The following FAM168A variants were observed in gnomAD, a reference collection of about 807,000 sequenced individuals.
The protein encoded by FAM168A is protein FAM168A.
FAM168A carries 3 observed loss-of-function variants against 28.5 expected under a neutral mutation model. The ratio of observed to expected loss-of-function variants is 0.11; its 90% CI spans 0.05 to 0.27. The LOEUF is 0.27. Ranked by LOEUF, FAM168A falls within the 10% of genes least tolerant of loss-of-function variation. The probability of loss-of-function intolerance (pLI) is 1.00; values close to 1 mark genes in which losing one functional copy is unlikely to be tolerated. For synonymous variants in FAM168A, 122 were observed against 124.2 expected (o/e 0.98, Z 0.12); for missense variants, 222 against 311.5 (o/e 0.71, Z 2.16).
chr11:73,449,524 A>T (rs1226032169), intron 2 of FAM168A, among the ~76,000 whole-genome samples: 1 of 152,218 alleles, frequency 6.6e-6, no homozygotes, highest in Non-Finnish European at 1.5e-5. Context: ...ATGGTTAGTA[A>T]CCTAAATTAC....
intron 1 of FAM168A, among the ~76,000 whole-genome samples, chr11:73,562,845 T>C (rs2134708043): frequency 6.6e-6 from 1 of 152,074 alleles, no homozygotes; most frequent in South Asian, 2.1e-4. Flanking sequence ...AATAAAAGGT[T>C]ACCTACTAAC....
chr11:73,552,816 G>C (rs2134694174), intron 1 of FAM168A, among the ~76,000 whole-genome samples: 1 of 152,234 alleles, frequency 6.6e-6, no homozygotes, highest in South Asian at 2.1e-4. Flanking sequence ...AATTAGCCTG[G>C]TGTGGTGGCA....
intron 1 of FAM168A, among the ~76,000 whole-genome samples, chr11:73,596,546 T>A (rs1295719028): frequency 1.3e-5 from 2 of 152,096 alleles, no homozygotes; most frequent in Non-Finnish European, 2.9e-5. Context: ...CCCGAACAGA[T>A]TAAAATGGCC....
Position 73,583,342 on chromosome 11 carries a change from G to C in FAM168A, c.-19+14581C>G, listed in dbSNP as rs532021668. Reference sequence around the variant, plus strand: ...ACAAACAAAAAAAACTCAGCCCAGAGCAACATGGAGTAACTGACTCATTGG... The same window carrying C: ...ACAAACAAAAAAAACTCAGCCCAGACCAACATGGAGTAACTGACTCATTGG... On this transcript the variant is annotated intron_variant, in intron 1 of 7. Coordinates refer to ENST00000356467, the MANE Select transcript of FAM168A (RefSeq NM_015159.3). Among the ~76,000 whole-genome samples the C allele has an allele frequency of 4.9e-4, 74 of 152,148 alleles. No homozygotes were observed. The South Asian group carries it at 0.015, about 30-fold the overall frequency.
chr11:73,468,514 C>G (rs1452135698), intron 1 of FAM168A, 22 bp from the exon 2 acceptor site: 5 of 1,549,874 alleles, frequency 3.2e-6, no homozygotes, highest in Non-Finnish European at 4.5e-6. Flanking sequence ...ACAAAGAAAA[C>G]AGCACTGATA....
At chr11:73,580,411 A>G in intron 1 of FAM168A, 1 of 618,364 alleles carries the variant, frequency 1.6e-6, no homozygotes. Flanking sequence ...AGGTACCCAA[A>G]GGGAAAAAGG....
intron 1 of FAM168A, among the ~76,000 whole-genome samples, chr11:73,528,622 T>A (rs1270059593): frequency 6.6e-6 from 1 of 152,132 alleles, no homozygotes; most frequent in African/African-American, 2.4e-5. Context: ...TTGCTTTCAC[T>A]TTGCACTTAG....
chr11:73,458,903 C>A (rs564907967), intron 2 of FAM168A, among the ~76,000 whole-genome samples: 1 of 152,284 alleles, frequency 6.6e-6, no homozygotes, highest in African/African-American at 2.4e-5. Flanking sequence ...AGCCACTGCA[C>A]CCAGCCTCTA....
chr11:73,568,970 C>T, intron 1 of FAM168A, among the ~76,000 whole-genome samples: 1 of 152,216 alleles, frequency 6.6e-6, no homozygotes, highest in Non-Finnish European at 1.5e-5. Context: ...AGAAATCTGA[C>T]AAGGCAATCA....
intron 1 of FAM168A, among the ~76,000 whole-genome samples, chr11:73,545,305 C>T (rs1459612679): frequency 6.6e-6 from 1 of 151,224 alleles, no homozygotes; most frequent in African/African-American, 2.4e-5. Flanking sequence ...GAATTACAGA[C>T]GTGAGCCACC....
intron 1 of FAM168A, among the ~76,000 whole-genome samples, chr11:73,547,863 A>AT (rs1471590879): frequency 6.6e-6 from 1 of 151,788 alleles, no homozygotes; most frequent in Non-Finnish European, 1.5e-5. Flanking sequence ...AAAAAAAAAA[A>AT]CACATGGTAT....
chr11:73,464,315 A>G (rs2134569751), intron 2 of FAM168A, among the ~76,000 whole-genome samples: 1 of 150,600 alleles, frequency 6.6e-6, no homozygotes, highest in South Asian at 2.1e-4. Context: ...AAGCAAAAAC[A>G]GCAATCTGGG....
rs142518042 is a variant in FAM168A at position 73,567,883 on chromosome 11, G to C, written c.-19+30040C>G. 2.6e-5 allele frequency among the ~76,000 whole-genome samples: 4 copies of C among 152,298 alleles called. No individual in the cohort carries two copies. In the East Asian group the frequency reaches 5.8e-4, roughly 22 times the overall value. On this transcript the variant is annotated intron_variant, in intron 1 of 7. Coordinates refer to ENST00000356467, the MANE Select transcript of FAM168A (RefSeq NM_015159.3). Reference sequence around the variant, plus strand: ...GCCTGGATCTCTAGATGATTTCATGGAGCAGAACCTCTGCCCACTGTGGTC... The same window carrying C: ...GCCTGGATCTCTAGATGATTTCATGCAGCAGAACCTCTGCCCACTGTGGTC...
chr11:73,575,686 G>A (rs999531023), intron 1 of FAM168A, among the ~76,000 whole-genome samples: 4 of 151,982 alleles, frequency 2.6e-5, no homozygotes, highest in Non-Finnish European at 5.9e-5. Flanking sequence ...CCTGGTCAAC[G>A]TGGTGAAACC....
At chr11:73,419,821 A>C in intron 4 of FAM168A, 53 bp downstream of exon 4, 4 of 1,596,178 alleles carry the variant, frequency 2.5e-6, no homozygotes, top group Non-Finnish European at 3.4e-6. Context: ...CTTCCTAAGA[A>C]ACAAATCAGT....
chr11:73,510,496 G>GT (rs1354317064), intron 1 of FAM168A, among the ~76,000 whole-genome samples: 1 of 152,056 alleles, frequency 6.6e-6, no homozygotes, highest in Non-Finnish European at 1.5e-5. Context: ...AGTAATTGCA[G>GT]TTTTTTGCCC....
At chr11:73,464,893 T>C (rs1867710556) in intron 2 of FAM168A, among the ~76,000 whole-genome samples, 1 of 151,630 alleles carries the variant, frequency 6.6e-6, no homozygotes, top group Admixed American at 6.6e-5. Context: ...AAATGATAGA[T>C]TGAGGCCCAG....
chr11:73,484,507 G>T (rs918234459), intron 1 of FAM168A, among the ~76,000 whole-genome samples: 95 of 77,756 alleles, frequency 1.2e-3, no homozygotes, highest in African/African-American at 5.2e-3. Context: ...AGGAGAGAGA[G>T]ATATATATAG....
intron 2 of FAM168A, among the ~76,000 whole-genome samples, chr11:73,441,658 T>C (rs1197054925): frequency 2.0e-5 from 3 of 152,232 alleles, no homozygotes. Context: ...TGGGCTTTTC[T>C]TTGCGGAAAG....
Sources: allele counts gnomAD v4.1 joint callset (sites outside exome capture counted in the v4.1 genomes callset), GRCh38; gene constraint gnomAD v4.1.1; transcripts MANE v1.5; gene names NCBI Gene and HGNC (gene_info 2026-07-23, HGNC 2026-07-21).